FGD4: variants seen among roughly 807,000 people sequenced by gnomAD.
FGD4 encodes the protein FYVE, RhoGEF and PH domain containing 4, also known as FYVE, RhoGEF and PH domain-containing protein 4.
FGD4 carries 42 observed loss-of-function variants against 102.0 expected under a neutral mutation model. The ratio of observed to expected loss-of-function variants is 0.41; its 90% CI spans 0.32 to 0.53. FGD4 has a LOEUF of 0.53. FGD4 is among the 20% of genes least tolerant of loss of function. The pLI, the probability that FGD4 is intolerant of heterozygous loss-of-function variation, is 0.21. For synonymous variants in FGD4, 380 were observed against 375.7 expected, an observed-to-expected ratio of 1.01 and a Z score of -0.13; for missense variants, 902 against 1,078.2, an observed-to-expected ratio of 0.84 and a Z score of 2.29.
intron 1 of FGD4, among the ~76,000 whole-genome samples, chr12:32,456,860 G>A (rs1205658807): frequency 6.6e-6 from 1 of 152,176 alleles, no homozygotes; most frequent in Non-Finnish European, 1.5e-5. Context: ...TGAGTGGTCT[G>A]TGACTTCCAT....
intron 1 of FGD4, among the ~76,000 whole-genome samples, chr12:32,459,189 CTT>C (rs60125522): frequency 0.04 from 4,565 of 114,218 alleles, 57 homozygotes; most frequent in South Asian, 0.11. Flanking sequence ...TTTGACACTG[CTT>C]TTTTTTTTTT....
rs931293705 is a variant in FGD4, at chr12:32,633,405, T to C, written c.2173-144T>C. The C allele has an allele frequency of 5.0e-6, 4 of 795,194 alleles. No individual in the cohort carries two copies. In the South Asian group the frequency reaches 6.4e-5, roughly 13 times the overall value. The allele number at this position is 795,194 out of a possible 1,614,324, so 49.3% of individuals were successfully genotyped here. On this transcript the variant is annotated intron_variant, in intron 14 of 16. Coordinates refer to ENST00000534526, the MANE Select transcript of FGD4 (RefSeq NM_001370298.3). ...GTTGAAACACCTTGATATGTACTTC[T>C]AGTGTTTATAGGGATGTTCCTTTTC...
intron 1 of FGD4, among the ~76,000 whole-genome samples, chr12:32,403,482 A>G (rs1446692300): frequency 6.9e-6 from 1 of 144,248 alleles, no homozygotes; most frequent in East Asian, 2.0e-4. Context: ...AGTCTCAGCT[A>G]CTTGGGAGGC....
At chr12:32,566,016 A>G (rs973217505) in intron 2 of FGD4, among the ~76,000 whole-genome samples, 1 of 152,198 alleles carries the variant, frequency 6.6e-6, no homozygotes, top group African/African-American at 2.4e-5. Context: ...CTGCTGTAAC[A>G]AAATACCATA....
intron 1 of FGD4, among the ~76,000 whole-genome samples, chr12:32,515,588 A>T (rs1418693843): frequency 1.3e-5 from 2 of 152,244 alleles, no homozygotes; most frequent in Non-Finnish European, 2.9e-5. Flanking sequence ...ATTTTAAAAT[A>T]CATATTTGTT....
chr12:32,545,612 A>G (rs73100112), intron 1 of FGD4, among the ~76,000 whole-genome samples: 15,444 of 152,246 alleles, frequency 0.1, 1,000 homozygotes, highest in Middle Eastern at 0.18. Flanking sequence ...TTGGCCTGTG[A>G]CCTGTAGGCT....
chr12:32,573,183 C>T (rs1326322895), intron 2 of FGD4, among the ~76,000 whole-genome samples: 1 of 152,132 alleles, frequency 6.6e-6, no homozygotes, highest in African/African-American at 2.4e-5. Context: ...GGAAGCTCCG[C>T]CTCCCGGGTT....
At chr12:32,628,692 C>T (rs1160941772) in intron 14 of FGD4, among the ~76,000 whole-genome samples, 4 of 151,756 alleles carry the variant, frequency 2.6e-5, no homozygotes, top group East Asian at 1.9e-4. Context: ...CAGCTGAGGC[C>T]GGAGAATCAC....
intron 10 of FGD4, among the ~76,000 whole-genome samples, chr12:32,617,177 A>T (rs1482745047): frequency 6.6e-6 from 1 of 152,224 alleles, no homozygotes; most frequent in Non-Finnish European, 1.5e-5. Context: ...CATTCAAACC[A>T]TGGCAGCTAC....
At chr12:32,582,622 C>T (rs1946708067) in intron 4 of FGD4, 155 bp downstream of exon 4, 1 of 893,686 alleles carries the variant, frequency 1.1e-6, no homozygotes, top group African/African-American at 1.7e-5. Flanking sequence ...ATTAGCATTT[C>T]CCCTATGCTC....
chr12:32,516,580 T>C (rs1402860454), intron 1 of FGD4, among the ~76,000 whole-genome samples: 1 of 152,230 alleles, frequency 6.6e-6, no homozygotes, highest in Non-Finnish European at 1.5e-5. Flanking sequence ...GTTGTAAATA[T>C]ATATGCTTAC....
In FGD4 at chr12:32,593,976, A is replaced by C. The variant is rs151034847; in HGVS notation, c.1012-4521A>C. Among the ~76,000 whole-genome samples the C allele has an allele frequency of 5.2e-3, 789 of 152,340 alleles. 7 individuals carry two copies. Among genetic ancestry groups the C allele is most frequent in the African/African-American group, 0.017 (720 of 41,576 alleles). On this transcript the variant is annotated intron_variant, in intron 4 of 16. Transcript: ENST00000534526. Reference sequence around the variant, plus strand: ...ATTTACATGACATTATAGAAAGGAAAGATCACTAGGTACCAGGATCTGGTG... The same window carrying C: ...ATTTACATGACATTATAGAAAGGAACGATCACTAGGTACCAGGATCTGGTG...
chr12:32,433,061 A>G (rs770264255), intron 1 of FGD4, among the ~76,000 whole-genome samples: 2 of 151,550 alleles, frequency 1.3e-5, no homozygotes, highest in Non-Finnish European at 2.9e-5. Flanking sequence ...CAGTGGCACA[A>G]TCTTACCTCA....
At chr12:32,622,887 C>T (rs374513269) in intron 11 of FGD4, among the ~76,000 whole-genome samples, 1 of 152,156 alleles carries the variant, frequency 6.6e-6, no homozygotes, top group Admixed American at 6.5e-5. Context: ...GCCACTGCAC[C>T]CAGCCTATCA....
chr12:32,597,643 C>T (rs1948014703), intron 4 of FGD4, among the ~76,000 whole-genome samples: 1 of 151,736 alleles, frequency 6.6e-6, no homozygotes, highest in Non-Finnish European at 1.5e-5. Context: ...CAGCAGCTAA[C>T]AAGGAAAAAA....
chr12:32,629,870 T>C (rs1950396844), intron 14 of FGD4, among the ~76,000 whole-genome samples: 1 of 152,258 alleles, frequency 6.6e-6, no homozygotes, highest in Non-Finnish European at 1.5e-5. Flanking sequence ...GCTGAAGACA[T>C]TTCAAAGATT....
chr12:32,577,952 G>A (rs773659033), intron 3 of FGD4, among the ~76,000 whole-genome samples: 1 of 151,960 alleles, frequency 6.6e-6, no homozygotes, highest in Non-Finnish European at 1.5e-5. Flanking sequence ...TATTCCAAAG[G>A]CTGCGTCCTC....
At chr12:32,636,656 T>C (rs1418668525) in intron 15 of FGD4, among the ~76,000 whole-genome samples, 3 of 152,116 alleles carry the variant, frequency 2.0e-5, no homozygotes, top group Non-Finnish European at 4.4e-5. Flanking sequence ...CAAATTGTTA[T>C]AAAAGTTTAA....
At chr12:32,634,814 C>T (rs1399598243) in intron 15 of FGD4, among the ~76,000 whole-genome samples, 1 of 152,052 alleles carries the variant, frequency 6.6e-6, no homozygotes, top group Non-Finnish European at 1.5e-5. Flanking sequence ...ATGGTGAAAC[C>T]CCATCTCAGC....
Sources: allele counts gnomAD v4.1 joint callset (sites outside exome capture counted in the v4.1 genomes callset), GRCh38; gene constraint gnomAD v4.1.1; transcripts MANE v1.5; gene names NCBI Gene and HGNC (gene_info 2026-07-23, HGNC 2026-07-21).